CALN1: variants seen among roughly 807,000 people sequenced by gnomAD.
CALN1 encodes calneuron 1.
A neutral mutation model predicts 30.6 loss-of-function variants in CALN1; 17 were observed. That is an observed-to-expected ratio of 0.56 (90% CI 0.38 to 0.83). CALN1 has a LOEUF of 0.83. Among genes scored for constraint, CALN1 ranks in the 40% least tolerant of loss-of-function variants. The probability of loss-of-function intolerance (pLI) is 0.00; values close to 1 mark genes in which losing one functional copy is unlikely to be tolerated. For synonymous variants in CALN1, 156 were observed against 131.4 expected (o/e 1.19, Z -1.28); for missense variants, 291 against 354.9 (o/e 0.82, Z 1.45).
rs113128074 is a variant in CALN1, at chr7:72,253,574, GA to G, written c.244+25111del. ...CAAGAGAAACAGAGAACGTGCAGGA[GA>G]AACTGTCATTTATAAAACCATCAGA... On this transcript the variant is annotated intron_variant, in intron 3 of 6. Coordinates refer to ENST00000395275, the MANE Select transcript of CALN1 (RefSeq NM_031468.4). Among the ~76,000 whole-genome samples the G allele has an allele frequency of 5.0e-3, 754 of 152,318 alleles. 3 individuals are homozygous for G. Among genetic ancestry groups the G allele is most frequent in the African/African-American group, 0.017 (713 of 41,576 alleles).
At chr7:71,791,325 G>C (rs1238857298) in intron 6 of CALN1, among the ~76,000 whole-genome samples, 2 of 152,134 alleles carry the variant, frequency 1.3e-5, no homozygotes, top group Non-Finnish European at 2.9e-5. Context: ...CCCAATAATG[G>C]GATTGCTGGA....
At chr7:72,003,430 G>C (rs1313975136) in intron 5 of CALN1, among the ~76,000 whole-genome samples, 1 of 152,214 alleles carries the variant, frequency 6.6e-6, no homozygotes, top group African/African-American at 2.4e-5. Flanking sequence ...GAGGTGAGCG[G>C]TGGTTAGGAA....
At chr7:71,795,358 C>G (rs914782448) in intron 6 of CALN1, among the ~76,000 whole-genome samples, 1 of 152,122 alleles carries the variant, frequency 6.6e-6, no homozygotes, top group African/African-American at 2.4e-5. Context: ...CCAGCCCAAA[C>G]TTTTCTTTCC....
At chr7:72,244,594 T>A (rs1795045266) in intron 3 of CALN1, among the ~76,000 whole-genome samples, 1 of 151,498 alleles carries the variant, frequency 6.6e-6, no homozygotes, top group Non-Finnish European at 1.5e-5. Flanking sequence ...TTTCTCAGGT[T>A]GAAGAGAATG....
chr7:72,318,704 C>CTTTTTTT (rs71069057), intron 2 of CALN1, among the ~76,000 whole-genome samples: 12 of 72,020 alleles, frequency 1.7e-4, no homozygotes, highest in East Asian at 5.9e-4. Flanking sequence ...CCATGTGTAG[C>CTTTTTTT]TTTTTTTTTT....
intron 2 of CALN1, among the ~76,000 whole-genome samples, chr7:72,279,311 G>A (rs914457100): frequency 1.3e-5 from 2 of 152,188 alleles, no homozygotes; most frequent in African/African-American, 4.8e-5. Context: ...AAAACAGGTA[G>A]GAAATGCCCA....
rs1161378234 is a variant in CALN1, at chr7:72,412,324, A to ACCCCAGCGAGCTT, written c.-353_-341dup. 6.6e-6 allele frequency: 1 copy of ACCCCAGCGAGCTT among 151,986 alleles called. No homozygotes were observed. Among genetic ancestry groups the ACCCCAGCGAGCTT allele is most frequent in the South Asian group, 2.1e-4 (1 of 4,786 alleles). The allele number at this position is 151,986 out of a possible 1,614,324, so 9.4% of individuals were successfully genotyped here. ...AAAAACACAAACTCAAGCGGATAGC[A>ACCCCAGCGAGCTT]CCCCAGCGAGCTTCCCCAGCGGGCT... On this transcript the variant is annotated 5_prime_UTR_variant, in exon 1 of 7. Coordinates refer to ENST00000395275, the MANE Select transcript of CALN1 (RefSeq NM_031468.4).
intron 4 of CALN1, among the ~76,000 whole-genome samples, chr7:72,068,526 T>C (rs1804178924): frequency 2.6e-5 from 4 of 152,174 alleles, no homozygotes; most frequent in Admixed American, 2.0e-4. Flanking sequence ...CTTACTCTGT[T>C]ACCCAAGCTG....
chr7:71,821,836 G>A (rs1788612052), intron 5 of CALN1, among the ~76,000 whole-genome samples: 1 of 146,052 alleles, frequency 6.8e-6, no homozygotes, highest in South Asian at 2.1e-4. Flanking sequence ...CACCCACGCT[G>A]GAGTACAGTG....
At chr7:71,975,734 T>C (rs1372183148) in intron 5 of CALN1, among the ~76,000 whole-genome samples, 2 of 151,722 alleles carry the variant, frequency 1.3e-5, no homozygotes, top group Non-Finnish European at 2.9e-5. Context: ...CCGGCCTCTT[T>C]TTTATTTAGT....
chr7:71,855,469 C>T lies in CALN1; in HGVS notation c.502-44977G>A, dbSNP rs990141478. ...AGTATCCCCCACCTCAACTTGGAAG[C>T]CCCAAAGGCCATAAATGTCACCATC... On this transcript the variant is annotated intron_variant, in intron 5 of 6. Coordinates refer to ENST00000395275, the MANE Select transcript of CALN1 (RefSeq NM_031468.4). Among the ~76,000 whole-genome samples, 5 of 152,240 alleles carry T rather than the reference C, an allele frequency of 3.3e-5. No individual in the cohort carries two copies. In the East Asian group the frequency reaches 9.7e-4, roughly 29 times the overall value.
At chr7:72,334,533 CCTT>C (rs1314358933) in intron 2 of CALN1, among the ~76,000 whole-genome samples, 1 of 152,174 alleles carries the variant, frequency 6.6e-6, no homozygotes, top group African/African-American at 2.4e-5. Flanking sequence ...CCCCCCCTCC[CCTT>C]ACAGAGGAAA....
chr7:72,133,262 T>C (rs1432858867), intron 3 of CALN1, among the ~76,000 whole-genome samples: 3 of 152,188 alleles, frequency 2.0e-5, no homozygotes, highest in Non-Finnish European at 2.9e-5. Context: ...TACAGAGTCA[T>C]GTGACCATCA....
At chr7:71,792,136 T>G (rs946867121) in intron 6 of CALN1, among the ~76,000 whole-genome samples, 1 of 152,248 alleles carries the variant, frequency 6.6e-6, no homozygotes. Context: ...ATGCGTTTCC[T>G]GATAATTATT....
intron 3 of CALN1, among the ~76,000 whole-genome samples, chr7:72,134,884 C>T (rs1809398063): frequency 6.6e-6 from 1 of 152,230 alleles, no homozygotes; most frequent in Non-Finnish European, 1.5e-5. Flanking sequence ...CCTTTTAAGC[C>T]TTGCCACTGT....
intron 2 of CALN1, among the ~76,000 whole-genome samples, chr7:72,298,803 TA>T (rs56933201): frequency 0.8 from 112,173 of 140,468 alleles, 45,651 homozygotes; most frequent in Middle Eastern, 0.91. Context: ...CTGATGGTTT[TA>T]AAAAAAAAAA....
chr7:72,244,406 T>A (rs1229771812), intron 3 of CALN1, among the ~76,000 whole-genome samples: 1 of 152,202 alleles, frequency 6.6e-6, no homozygotes, highest in Non-Finnish European at 1.5e-5. Flanking sequence ...ACAAGACTGC[T>A]GTAAACAGGA....
At chr7:72,136,890 A>C (rs1042700865) in intron 3 of CALN1, among the ~76,000 whole-genome samples, 1 of 152,202 alleles carries the variant, frequency 6.6e-6, no homozygotes, top group Non-Finnish European at 1.5e-5. Flanking sequence ...CATTTTATAT[A>C]GATGTAGTTT....
intron 5 of CALN1, among the ~76,000 whole-genome samples, chr7:72,021,592 C>G (rs1369877015): frequency 6.6e-6 from 1 of 152,104 alleles, no homozygotes; most frequent in African/African-American, 2.4e-5. Context: ...ATCCTAACAA[C>G]AGTTCAGGGA....
Sources: gnomAD v4.1 joint callset for allele counts (sites outside exome capture counted in the v4.1 genomes callset) on GRCh38, gnomAD v4.1.1 for gene constraint, MANE v1.5 for transcripts, NCBI Gene and HGNC (gene_info 2026-07-23, HGNC 2026-07-21) for gene names.